SLC25A24: variants seen among roughly 807,000 people sequenced by gnomAD.
SLC25A24 encodes mitochondrial adenyl nucleotide antiporter SLC25A24.
A neutral mutation model predicts 60.7 loss-of-function variants in SLC25A24; 49 were observed. That is an observed-to-expected ratio of 0.81 (90% CI 0.64 to 1.02). The LOEUF is 1.02. Among genes scored for constraint, SLC25A24 ranks in the 50% least tolerant of loss-of-function variants. The pLI, the probability that SLC25A24 is intolerant of heterozygous loss-of-function variation, is 0.00. For synonymous variants in SLC25A24, 202 were observed against 200.6 expected, an observed-to-expected ratio of 1.01 and a Z score of -0.06; for missense variants, 564 against 586.3, an observed-to-expected ratio of 0.96 and a Z score of 0.39.
intron 3 of SLC25A24, among the ~76,000 whole-genome samples, chr1:108,170,479 G>A (rs1397778526): frequency 6.6e-6 from 1 of 151,934 alleles, no homozygotes; most frequent in Non-Finnish European, 1.5e-5. Flanking sequence ...ATTAAATCAA[G>A]CTTATGTATT....
At position 108,200,029 on chromosome 1, in the gene SLC25A24, C is replaced by G; in HGVS notation, c.110G>C (p.Gly37Ala). 1 of 1,611,048 alleles carries G rather than the reference C, an allele frequency of 6.2e-7. No individual in the cohort carries two copies. Among genetic ancestry groups the G allele is most frequent in the Non-Finnish European group, 8.5e-7 (1 of 1,179,014 alleles). Reference protein sequence around the residue: ...LFQALDRNGDGVVDIGELQEG... With the variant: ...LFQALDRNGDAVVDIGELQEG... ...CTGCAGCTCGCCGATGTCCACCACT[C>G]CGTCCCCATTGCGGTCCAGTGCCTG... Residue 37 changes from glycine to alanine, a missense_variant, in exon 1 of 10, where the codon GGA becomes GCA. Gly to Ala is a moderately conservative substitution (Grantham distance 60). Coordinates refer to ENST00000565488, the MANE Select transcript of SLC25A24 (RefSeq NM_013386.5).
At chr1:108,159,161 A>T (rs1679985393) in intron 4 of SLC25A24, among the ~76,000 whole-genome samples, 1 of 152,252 alleles carries the variant, frequency 6.6e-6, no homozygotes, top group South Asian at 2.1e-4. Context: ...AGTTTGGTGG[A>T]AAACAAACTG....
chr1:108,172,918 T>C (rs1224679890), intron 3 of SLC25A24, among the ~76,000 whole-genome samples: 2 of 152,026 alleles, frequency 1.3e-5, no homozygotes, highest in African/African-American at 2.4e-5. Flanking sequence ...CTAGTAATAA[T>C]AATAATAATA....
At chr1:108,189,510 G>A (rs1648265752) in intron 1 of SLC25A24, among the ~76,000 whole-genome samples, 1 of 152,118 alleles carries the variant, frequency 6.6e-6, no homozygotes, top group Admixed American at 6.6e-5. Context: ...CCAGTTATCA[G>A]ATCAAAAATA....
At chr1:108,143,510 A>G (rs1290736048) in intron 8 of SLC25A24, 33 bp downstream of exon 8, 1 of 1,578,030 alleles carries the variant, frequency 6.3e-7, no homozygotes, top group South Asian at 1.2e-5. Context: ...ATCTAACTGC[A>G]TTTTCCAATT....
chr1:108,160,283 G>A (rs1680030827), intron 4 of SLC25A24, among the ~76,000 whole-genome samples: 1 of 151,546 alleles, frequency 6.6e-6, no homozygotes, highest in Non-Finnish European at 1.5e-5. Flanking sequence ...ACGATGGGCG[G>A]CCGGGCAGAG....
At chr1:108,154,884 T>C in intron 6 of SLC25A24, 99 bp downstream of exon 6, 4 of 844,220 alleles carry the variant, frequency 4.7e-6, no homozygotes, top group South Asian at 3.8e-5. Context: ...GATTATCATG[T>C]ATTAAAACAA....
At chr1:108,179,931 C>T (rs1220263069) in intron 3 of SLC25A24, among the ~76,000 whole-genome samples, 1 of 152,112 alleles carries the variant, frequency 6.6e-6, no homozygotes, top group African/African-American at 2.4e-5. Context: ...AGTCACTCCA[C>T]AATGTACATA....
chr1:108,189,444 G>T (rs974142035), intron 1 of SLC25A24, among the ~76,000 whole-genome samples: 4 of 152,154 alleles, frequency 2.6e-5, no homozygotes, highest in Non-Finnish European at 5.9e-5. Flanking sequence ...ATGTCCTTTT[G>T]TCCAGCATAT....
rs370762093 is a variant in SLC25A24 at position 108,183,016 on chromosome 1, T to C, written c.311-988A>G. 3.9e-5 allele frequency among the ~76,000 whole-genome samples: 6 copies of C among 152,182 alleles called. No individual in the cohort carries two copies. The East Asian group carries it at 9.6e-4, about 24-fold the overall frequency. ...AAATAGAAGCAATAAATGTAAGCAC[T>C]GCTGTATTTCCTTCTAGCAGCTCAC... On this transcript the variant is annotated intron_variant, in intron 2 of 9. Transcript: ENST00000565488.
chr1:108,134,916 A>G lies in SLC25A24; in HGVS notation c.*1737T>C, dbSNP rs988465891. The G allele has an allele frequency of 6.6e-6, 1 of 152,198 alleles. No homozygotes were observed. Among genetic ancestry groups the G allele is most frequent in the African/African-American group, 2.4e-5 (1 of 41,468 alleles). The allele number at this position is 152,198 out of a possible 1,614,324, so 9.4% of individuals were successfully genotyped here. ...ATCTTCAACTCTCGGCTTTTTTCCA[A>G]AAGATACAGAATCATTTTTTGGAAA... On this transcript the variant is annotated 3_prime_UTR_variant, in exon 10 of 10. Transcript: ENST00000565488.
At position 108,185,974 on chromosome 1, in the gene SLC25A24, A is replaced by G; in HGVS notation, c.184-20T>C. ...AATTTTCTATAAAAAAAAATTAGAG[A>G]GAAGTTATTGCCAATATGGGCTGAT... On this transcript the variant is annotated intron_variant, in intron 1 of 9. Transcript: ENST00000565488. 1 of 1,542,454 alleles carries G rather than the reference A, an allele frequency of 6.5e-7. No homozygotes were observed. Among genetic ancestry groups the G allele is most frequent in the East Asian group, 2.3e-5 (1 of 43,360 alleles).
chr1:108,172,152 A>G (rs1350443903), intron 3 of SLC25A24, among the ~76,000 whole-genome samples: 3 of 152,228 alleles, frequency 2.0e-5, no homozygotes, highest in African/African-American at 7.2e-5. Flanking sequence ...GAAGATAATT[A>G]TGACATATGT....
intron 4 of SLC25A24, among the ~76,000 whole-genome samples, chr1:108,159,040 T>A (rs1253421960): frequency 1.3e-5 from 2 of 151,906 alleles, no homozygotes; most frequent in Non-Finnish European, 2.9e-5. Flanking sequence ...AAACAAAAAA[T>A]AAATAAAACT....
intron 1 of SLC25A24, among the ~76,000 whole-genome samples, chr1:108,191,576 G>C (rs1648344175): frequency 7.1e-6 from 1 of 140,190 alleles, no homozygotes; most frequent in South Asian, 2.7e-4. Flanking sequence ...GAGGATACCA[G>C]GGTATGGGGC....
chr1:108,171,977 A>G (rs140485759), intron 3 of SLC25A24, among the ~76,000 whole-genome samples: 2 of 152,348 alleles, frequency 1.3e-5, no homozygotes, highest in East Asian at 1.9e-4. Context: ...ATTACAAACC[A>G]TAAGTGCCAT....
chr1:108,173,540 T>A (rs377129089), intron 3 of SLC25A24, among the ~76,000 whole-genome samples: 5 of 152,196 alleles, frequency 3.3e-5, no homozygotes, highest in African/African-American at 1.2e-4. Context: ...AGCGTGAGAA[T>A]GAACTAATAC....
intron 3 of SLC25A24, among the ~76,000 whole-genome samples, chr1:108,171,708 G>T (rs971829567): frequency 2.0e-5 from 3 of 152,156 alleles, no homozygotes; most frequent in African/African-American, 7.2e-5. Context: ...AACAGGCATG[G>T]CACTAAACAA....
In SLC25A24 at chr1:108,136,693, T is replaced by C. The variant is rs544018515; in HGVS notation, c.1394A>G (p.Tyr465Cys). The C allele has an allele frequency of 2.0e-5, 33 of 1,613,990 alleles. No homozygotes were observed. The South Asian group carries it at 3.6e-4, about 18-fold the overall frequency. ...LPAVGISYVV[Y>C]ENMKQTLGVT... ...TCCTAAAGTTTGCTTCATATTTTCA[T>C]AAACCACATAACTGATGCCTACAGC... is the stretch of plus-strand genomic sequence containing the variant. Residue 465 changes from tyrosine to cysteine, a missense_variant, in exon 10 of 10, where the codon TAT becomes TGT. Physicochemically the swap from Tyr to Cys is radical, Grantham distance 194. Transcript: ENST00000565488.
Sources: allele counts gnomAD v4.1 joint callset (sites outside exome capture counted in the v4.1 genomes callset), GRCh38; gene constraint gnomAD v4.1.1; transcripts MANE v1.5; gene names NCBI Gene and HGNC (gene_info 2026-07-23, HGNC 2026-07-21).